The following ACSBG2 variants were observed in gnomAD, a reference collection of about 807,000 sequenced individuals.
ACSBG2 encodes long-chain-fatty-acid--CoA ligase ACSBG2.
ACSBG2 carries 62 observed loss-of-function variants against 74.7 expected under a neutral mutation model. The observed-to-expected ratio is 0.83, with a 90% confidence interval of 0.68 to 1.03. ACSBG2 has a LOEUF of 1.03. Ranked by LOEUF, ACSBG2 falls within the 50% of genes least tolerant of loss-of-function variation. The probability of loss-of-function intolerance (pLI) is 0.00; values close to 1 mark genes in which losing one functional copy is unlikely to be tolerated. For missense variants in ACSBG2, 730 were observed against 817.6 expected (o/e 0.89, Z 1.31); for synonymous variants, 309 against 294.1 (o/e 1.05, Z -0.52).
Position 6,177,250 on chromosome 19 carries a change from G to T in ACSBG2, c.760G>T (p.Val254Leu), listed in dbSNP as rs141607717. ...ACAGATCACGTGGATTGCAGGAGCA[G>T]TGACAAAGGACTTTAAACTGACAGA... is the stretch of plus-strand genomic sequence containing the variant. ...HDNITWIAGAVTKDFKLTDKH... is the reference protein window; with the variant it reads ...HDNITWIAGALTKDFKLTDKH... Residue 254 changes from valine to leucine, a missense_variant, in exon 8 of 15, where the codon GTG becomes TTG. Coordinates refer to ENST00000588485, the MANE Select transcript of ACSBG2 (RefSeq NM_030924.5). 284 of 1,614,158 alleles carry T rather than the reference G, an allele frequency of 1.8e-4. No homozygotes were observed. Among genetic ancestry groups the T allele is most frequent in the Non-Finnish European group, 2.2e-4 (259 of 1,180,028 alleles).
chr19:6,154,909 A>C (rs977521393), intron 4 of ACSBG2, among the ~76,000 whole-genome samples: 2 of 152,156 alleles, frequency 1.3e-5, no homozygotes, highest in Non-Finnish European at 2.9e-5. Flanking sequence ...ATCAGACCCA[A>C]ATTCAAATCT....
intron 1 of ACSBG2, among the ~76,000 whole-genome samples, chr19:6,137,982 G>A (rs1175877400): frequency 3.3e-5 from 5 of 152,210 alleles, no homozygotes; most frequent in Non-Finnish European, 5.9e-5. Context: ...CACTTTTATC[G>A]TGGAAAGTTT....
At chr19:6,156,044 C>CA in intron 4 of ACSBG2, among the ~76,000 whole-genome samples, 1 of 151,960 alleles carries the variant, frequency 6.6e-6, no homozygotes, top group African/African-American at 2.4e-5. Flanking sequence ...AAATTAAAAG[C>CA]AAAAGAGGAT....
intron 10 of ACSBG2, among the ~76,000 whole-genome samples, chr19:6,184,832 GAAAA>G (rs371866289): frequency 8.9e-4 from 12 of 13,528 alleles, no homozygotes; most frequent in African/African-American, 1.4e-3. Context: ...ATGTGGAGAT[GAAAA>G]AAAAAAAAAA....
chr19:6,187,532 G>C (rs1359648603), intron 12 of ACSBG2, 67 bp from the exon 13 acceptor site: 16 of 1,606,156 alleles, frequency 1.0e-5, no homozygotes, highest in Non-Finnish European at 1.3e-5. Flanking sequence ...CCCACTTCTT[G>C]GTCTGTGGGC....
chr19:6,148,647 GAAAA>G (rs55936682), intron 3 of ACSBG2, among the ~76,000 whole-genome samples: 88,150 of 145,616 alleles, frequency 0.61, 27,130 homozygotes, highest in Admixed American at 0.7. Context: ...GTGTCATAAA[GAAAA>G]AAAAAAAAAA....
chr19:6,186,135 A>G (rs1212088577), intron 11 of ACSBG2, among the ~76,000 whole-genome samples: 1 of 150,746 alleles, frequency 6.6e-6, no homozygotes, highest in Non-Finnish European at 1.5e-5. Flanking sequence ...CTTCTCCTGC[A>G]TTTTAAGAGG....
chr19:6,144,314 TA>T (rs1292054081), intron 2 of ACSBG2, among the ~76,000 whole-genome samples: 1 of 152,148 alleles, frequency 6.6e-6, no homozygotes, highest in African/African-American at 2.4e-5. Flanking sequence ...AGTAATTAGT[TA>T]AAATGACGTC....
At chr19:6,158,595 C>T (rs908604724) in intron 5 of ACSBG2, among the ~76,000 whole-genome samples, 1 of 152,076 alleles carries the variant, frequency 6.6e-6, no homozygotes, top group African/African-American at 2.4e-5. Flanking sequence ...GCCTAGATGG[C>T]TAGGTTCATT....
At chr19:6,142,028 G>T (rs1229801988) in intron 2 of ACSBG2, among the ~76,000 whole-genome samples, 2 of 152,184 alleles carry the variant, frequency 1.3e-5, no homozygotes, top group Admixed American at 1.3e-4. Flanking sequence ...ACCGTGCCCA[G>T]CCTAGGGCCT....
rs377693866 is a variant in ACSBG2, at chr19:6,163,243, G to A, written c.588+1948G>A. Among the ~76,000 whole-genome samples, 6 of 66,614 alleles carry A rather than the reference G, an allele frequency of 9.0e-5. 1 individual carries two copies. Among genetic ancestry groups the A allele is most frequent in the African/African-American group, 2.4e-4 (6 of 24,878 alleles). The allele number at this position is 66,614 out of a possible 152,430, so 43.7% of individuals were successfully genotyped here. On this transcript the variant is annotated intron_variant, in intron 6 of 14. Coordinates refer to ENST00000588485, the MANE Select transcript of ACSBG2 (RefSeq NM_030924.5). ...GGCGGGCAGATCATGAGGTCAGGAG[G>A]TACAGACCATCCTGGCCAACATGGT...
chr19:6,141,699 G>T (rs879078954), intron 2 of ACSBG2, 89 bp downstream of exon 2: 1 of 918,850 alleles, frequency 1.1e-6, no homozygotes, highest in Non-Finnish European at 1.8e-6. Flanking sequence ...CTAGAAAGAT[G>T]TAGCCATTCC....
chr19:6,185,075 A>T (rs1182516570), intron 10 of ACSBG2, among the ~76,000 whole-genome samples: 1 of 151,840 alleles, frequency 6.6e-6, no homozygotes, highest in African/African-American at 2.4e-5. Context: ...GGTATGTACC[A>T]CCATGCCCAA....
chr19:6,136,144 T>C (rs534948707), intron 1 of ACSBG2, among the ~76,000 whole-genome samples: 5,772 of 97,242 alleles, frequency 0.059, 165 homozygotes, highest in South Asian at 0.078. Flanking sequence ...CTTGCTCTGT[T>C]GCCCAGGCGC....
chr19:6,178,789 T>C (rs1409619981), intron 8 of ACSBG2, among the ~76,000 whole-genome samples: 1 of 152,110 alleles, frequency 6.6e-6, no homozygotes, highest in East Asian at 1.9e-4. Context: ...TTGTGATTTA[T>C]CAATGGGGAG....
At chr19:6,146,144 G>T (rs887623123) in intron 2 of ACSBG2, among the ~76,000 whole-genome samples, 1 of 152,218 alleles carries the variant, frequency 6.6e-6, no homozygotes, top group Non-Finnish European at 1.5e-5. Flanking sequence ...GTAAATGGAT[G>T]AATAGCTTTG....
chr19:6,179,245 G>C (rs2090174591), intron 8 of ACSBG2, among the ~76,000 whole-genome samples: 1 of 150,840 alleles, frequency 6.6e-6, no homozygotes, highest in South Asian at 2.1e-4. Context: ...TTCATTGGTA[G>C]GTTTTGCAAA....
chr19:6,190,851 A>ACACACACACT, intron 14 of ACSBG2, 159 bp downstream of exon 14: 1 of 518,218 alleles, frequency 1.9e-6, no homozygotes, highest in Non-Finnish European at 3.5e-6. Flanking sequence ...ACACACACAC[A>ACACACACACT]CTCTTAGTTG....
Position 6,147,529 on chromosome 19 carries a change from A to G in ACSBG2, c.151A>G (p.Met51Val). ...SKHGPGHETP[M>V]TIPEFFRESV... ...ACACGGACCAGGCCATGAGACCCCGATGACCATCCCTGAATTTTTTCGAGA... is the reference window on the plus strand; with the variant it reads ...ACACGGACCAGGCCATGAGACCCCGGTGACCATCCCTGAATTTTTTCGAGA... Residue 51 changes from methionine (M) to valine (V), a missense_variant, in exon 3 of 15, where the codon ATG becomes GTG. Met to Val is a conservative substitution (Grantham distance 21, BLOSUM62 1). Coordinates refer to ENST00000588485, the MANE Select transcript of ACSBG2 (RefSeq NM_030924.5). The G allele has an allele frequency of 6.2e-7, 1 of 1,614,208 alleles. No individual in the cohort carries two copies. Among genetic ancestry groups the G allele is most frequent in the East Asian group, 2.2e-5 (1 of 44,888 alleles).
Sources: gnomAD v4.1 joint callset for allele counts (sites outside exome capture counted in the v4.1 genomes callset) on GRCh38, gnomAD v4.1.1 for gene constraint, MANE v1.5 for transcripts, NCBI Gene and HGNC (gene_info 2026-07-23, HGNC 2026-07-21) for gene names.